The following TADA2A variants were observed in gnomAD, a reference collection of about 807,000 sequenced individuals.
The protein encoded by TADA2A is transcriptional adapter 2-alpha.
Under a neutral mutation model 67.4 loss-of-function variants are expected in TADA2A, and 38 were observed. The observed-to-expected ratio is 0.56, with a 90% confidence interval of 0.44 to 0.74. The LOEUF (loss-of-function observed/expected upper bound fraction) is 0.74, where lower values mean the gene tolerates loss of function less well. TADA2A is among the 30% of genes least tolerant of loss of function. The pLI, the probability that TADA2A is intolerant of heterozygous loss-of-function variation, is 0.00. For synonymous variants in TADA2A, 192 were observed against 181.6 expected, an observed-to-expected ratio of 1.06 and a Z score of -0.46; for missense variants, 454 against 547.0, an observed-to-expected ratio of 0.83 and a Z score of 1.70.
At position 37,465,459 on chromosome 17, in the gene TADA2A, C is replaced by T. The variant is rs1428697587; in HGVS notation, c.741C>T (p.Val247=). The change falls in exon 11 of 16, where the codon GTC becomes GTT. Residue 247 remains valine (V), a synonymous_variant. Transcript: ENST00000615182. ...TGGAACGGCGGTATCCCAAGGAGGT[C>T]CAGGACCTGTATGAAACAATGAGGC... ...QLMERRYPKE[V]QDLYETMRRF... 4 of 1,613,678 alleles carry T rather than the reference C, an allele frequency of 2.5e-6. No individual in the cohort carries two copies. The highest frequency in any genetic ancestry group is 3.4e-6 in the Non-Finnish European group (4 of 1,179,976).
At chr17:37,435,795 G>T (rs1456828455) in intron 4 of TADA2A, among the ~76,000 whole-genome samples, 1 of 152,042 alleles carries the variant, frequency 6.6e-6, no homozygotes, top group African/African-American at 2.4e-5. Flanking sequence ...GCCCAGGCTG[G>T]TCTCAAACTC....
In TADA2A at chr17:37,477,007, G is replaced by T. The variant is rs1311767662; in HGVS notation, c.*25G>T. On this transcript the variant is annotated 3_prime_UTR_variant, in exon 16 of 16. Transcript: ENST00000615182. ...AGGCTCCAAGAGCTTGGGATCAGAA[G>T]TCAGAAGTTTGGAATGTGGTGGGTC... The T allele has an allele frequency of 1.9e-6, 3 of 1,583,946 alleles. No individual in the cohort carries two copies. Among genetic ancestry groups the T allele is most frequent in the Non-Finnish European group, 2.6e-6 (3 of 1,160,512 alleles).
At chr17:37,463,465 G>C (rs1167185479) in intron 10 of TADA2A, among the ~76,000 whole-genome samples, 1 of 151,884 alleles carries the variant, frequency 6.6e-6, no homozygotes, top group African/African-American at 2.4e-5. Flanking sequence ...ATCTAGCCAG[G>C]CATGGTGGCT....
At chr17:37,424,051 A>G (rs568767499) in intron 3 of TADA2A, among the ~76,000 whole-genome samples, 6 of 151,942 alleles carry the variant, frequency 3.9e-5, no homozygotes, top group African/African-American at 9.6e-5. Context: ...CCCGGCCCCA[A>G]TTTTTCATTA....
At chr17:37,445,738 C>T (rs2053059424) in intron 8 of TADA2A, among the ~76,000 whole-genome samples, 1 of 151,982 alleles carries the variant, frequency 6.6e-6, no homozygotes. Context: ...TATACTAATA[C>T]TACATAATAA....
chr17:37,409,716 G>A (rs534730234), intron 1 of TADA2A, among the ~76,000 whole-genome samples: 1 of 151,444 alleles, frequency 6.6e-6, no homozygotes, highest in East Asian at 2.0e-4. Flanking sequence ...GCAGTGAGCT[G>A]AGATCGTGCC....
chr17:37,409,225 A>T (rs1051830357), intron 1 of TADA2A, among the ~76,000 whole-genome samples: 2 of 152,022 alleles, frequency 1.3e-5, no homozygotes, highest in Non-Finnish European at 2.9e-5. Context: ...AGCTGGGATT[A>T]TAGGCGCCCG....
chr17:37,438,511 C>A (rs1025898635), intron 5 of TADA2A, among the ~76,000 whole-genome samples: 1 of 152,194 alleles, frequency 6.6e-6, no homozygotes, highest in African/African-American at 2.4e-5. Flanking sequence ...TAGCTTATTA[C>A]TGAAGGACTC....
At chr17:37,457,427 C>T (rs1294864923) in intron 8 of TADA2A, among the ~76,000 whole-genome samples, 1 of 149,812 alleles carries the variant, frequency 6.7e-6, no homozygotes, top group Non-Finnish European at 1.5e-5. Flanking sequence ...GTGATCCATC[C>T]ATTTCAGTCT....
chr17:37,451,674 C>G (rs1325840450), intron 8 of TADA2A, among the ~76,000 whole-genome samples: 1 of 151,816 alleles, frequency 6.6e-6, no homozygotes, highest in African/African-American at 2.4e-5. Context: ...AACATGGCAT[C>G]TTGTATCTTA....
At chr17:37,474,243 A>T (rs1408084503) in intron 14 of TADA2A, among the ~76,000 whole-genome samples, 1 of 152,174 alleles carries the variant, frequency 6.6e-6, no homozygotes, top group Non-Finnish European at 1.5e-5. Flanking sequence ...TGTCTCAAAA[A>T]TAATAATAAT....
intron 14 of TADA2A, 119 bp from the exon 15 acceptor site, chr17:37,474,436 TA>T: frequency 1.2e-6 from 1 of 864,224 alleles, no homozygotes; most frequent in Non-Finnish European, 1.8e-6. Context: ...CAGGATTTCC[TA>T]AGCTGGATAT....
At chr17:37,409,672 C>G (rs1193713656) in intron 1 of TADA2A, among the ~76,000 whole-genome samples, 1 of 151,454 alleles carries the variant, frequency 6.6e-6, no homozygotes, top group East Asian at 2.0e-4. Context: ...GAGGCTGAGG[C>G]AGGAGACTCG....
rs753043534 is a variant in TADA2A, at chr17:37,444,722, C to T, written c.558C>T (p.Asp186=). 4 of 1,613,990 alleles carry T rather than the reference C, an allele frequency of 2.5e-6. No homozygotes were observed. In the South Asian group the frequency reaches 4.4e-5, roughly 18 times the overall value. Residue 186 remains aspartate, a synonymous_variant, in exon 8 of 16, where the codon GAC becomes GAT. Transcript: ENST00000615182. Reference sequence around the variant, plus strand: ...AATTTGACAATTATGCAGAATGGGACTTGAGAGACATTGATTTTGTTGAAG... The same window carrying T: ...AATTTGACAATTATGCAGAATGGGATTTGAGAGACATTGATTTTGTTGAAG... The part of the protein sequence containing the change: ...IEEFDNYAEW[D]LRDIDFVEDD...
At position 37,423,494 on chromosome 17, in the gene TADA2A, TTCTGTTTGTTC is replaced by T; in HGVS notation, c.26-13_26-3del. ...AGGTGGTCTGAAATGTGCATTTGTT[TTCTGTTTGTTC>T]TAGATGATCCCTCTGATAAGCCACC... On this transcript the variant is annotated splice_polypyrimidine_tract_variant and splice_region_variant and intron_variant, in intron 2 of 15. Coordinates refer to ENST00000615182, the MANE Select transcript of TADA2A (RefSeq NM_001166105.3). 2 of 1,587,118 alleles carry T rather than the reference TTCTGTTTGTTC, an allele frequency of 1.3e-6. No individual in the cohort carries two copies. The highest frequency in any genetic ancestry group is 1.7e-6 in the Non-Finnish European group (2 of 1,166,656).
intron 6 of TADA2A, among the ~76,000 whole-genome samples, chr17:37,441,816 G>T (rs986175302): frequency 6.6e-6 from 1 of 151,986 alleles, no homozygotes; most frequent in Non-Finnish European, 1.5e-5. Context: ...ACAGGTGCAT[G>T]CCACCACACC....
At chr17:37,457,276 G>GCT in intron 8 of TADA2A, among the ~76,000 whole-genome samples, 1 of 147,246 alleles carries the variant, frequency 6.8e-6, no homozygotes, top group Non-Finnish European at 1.5e-5. Context: ...TGCTTCCCAG[G>GCT]TTCAAGCAAC....
intron 8 of TADA2A, among the ~76,000 whole-genome samples, chr17:37,447,619 A>G (rs571415919): frequency 1.3e-5 from 2 of 152,208 alleles, no homozygotes; most frequent in East Asian, 3.8e-4. Flanking sequence ...TCTAAAAAAT[A>G]AAAAAGATGA....
At chr17:37,444,903 T>C in intron 8 of TADA2A, 135 bp downstream of exon 8, 1 of 791,318 alleles carries the variant, frequency 1.3e-6, no homozygotes, top group Non-Finnish European at 2.1e-6. Context: ...GTTAAGTTGC[T>C]GAACTTACTG....
Sources: allele counts gnomAD v4.1 joint callset (sites outside exome capture counted in the v4.1 genomes callset), GRCh38; gene constraint gnomAD v4.1.1; transcripts MANE v1.5; gene names NCBI Gene and HGNC (gene_info 2026-07-23, HGNC 2026-07-21).